Variants in RFX4 observed in about 807,000 individuals in gnomAD.
RFX4 encodes transcription factor RFX4.
A neutral mutation model predicts 95.0 loss-of-function variants in RFX4; 10 were observed. That is an observed-to-expected ratio of 0.11 (90% CI 0.06 to 0.18). The LOEUF is 0.18. Among genes scored for constraint, RFX4 ranks in the 10% least tolerant of loss-of-function variants. The probability of loss-of-function intolerance (pLI) is 1.00; values close to 1 mark genes in which losing one functional copy is unlikely to be tolerated. For missense variants in RFX4, 640 were observed against 922.0 expected, an observed-to-expected ratio of 0.69 and a Z score of 3.96; for synonymous variants, 321 against 340.7, an observed-to-expected ratio of 0.94 and a Z score of 0.64.
chr12:106,596,755 A>G (rs2039625762), intron 1 of RFX4, among the ~76,000 whole-genome samples: 2 of 152,222 alleles, frequency 1.3e-5, no homozygotes, highest in African/African-American at 4.8e-5. Context: ...TTATATGGTT[A>G]TTTGGAGCTT....
intron 4 of RFX4, among the ~76,000 whole-genome samples, chr12:106,672,225 A>G (rs908684319): frequency 1.3e-5 from 2 of 152,150 alleles, no homozygotes; most frequent in Non-Finnish European, 2.9e-5. Context: ...AGTGTGGTGT[A>G]TGGGGAGGAG....
chr12:106,704,555 C>T (rs1565987136), intron 8 of RFX4, among the ~76,000 whole-genome samples: 1 of 152,062 alleles, frequency 6.6e-6, no homozygotes, highest in Non-Finnish European at 1.5e-5. Context: ...CACTCATGAC[C>T]CTGGGCAGGC....
intron 4 of RFX4, among the ~76,000 whole-genome samples, chr12:106,679,809 T>TG (rs775721083): frequency 6.6e-6 from 1 of 152,210 alleles, no homozygotes; most frequent in Non-Finnish European, 1.5e-5. Context: ...GCTGAAAGTC[T>TG]GAAGGGCTTG....
intron 8 of RFX4, 113 bp downstream of exon 8, chr12:106,696,559 C>A: frequency 9.6e-7 from 1 of 1,045,286 alleles, no homozygotes; most frequent in Non-Finnish European, 1.3e-6. Context: ...TTGTAAAGAC[C>A]ATTAATATTG....
chr12:106,606,794 T>C (rs776404460), intron 1 of RFX4, among the ~76,000 whole-genome samples: 2 of 152,110 alleles, frequency 1.3e-5, no homozygotes, highest in African/African-American at 4.8e-5. Context: ...GGACATAAAA[T>C]ACAAAACAAA....
intron 4 of RFX4, among the ~76,000 whole-genome samples, chr12:106,663,441 A>C (rs1278799602): frequency 6.6e-6 from 1 of 151,252 alleles, no homozygotes; most frequent in African/African-American, 2.4e-5. Flanking sequence ...GTTCCAGGAG[A>C]TTTTTTTTTC....
intron 4 of RFX4, among the ~76,000 whole-genome samples, chr12:106,664,040 TG>T (rs1044170204): frequency 2.8e-4 from 42 of 151,838 alleles, no homozygotes; most frequent in African/African-American, 9.7e-4. Flanking sequence ...GCCTTTTATC[TG>T]ATTTTGGTAC....
intron 2 of RFX4, among the ~76,000 whole-genome samples, chr12:106,621,121 A>G (rs1371723019): frequency 1.3e-5 from 2 of 152,230 alleles, no homozygotes; most frequent in East Asian, 3.8e-4. Context: ...CAGTTATCAC[A>G]GTGGTCCTGA....
intron 15 of RFX4, among the ~76,000 whole-genome samples, chr12:106,734,146 T>C (rs928232700): frequency 6.6e-6 from 1 of 152,112 alleles, no homozygotes; most frequent in Non-Finnish European, 1.5e-5. Context: ...GTGAATGGAA[T>C]GGTGAATGTC....
At chr12:106,634,449 C>T (rs559344804) in intron 2 of RFX4, among the ~76,000 whole-genome samples, 8 of 152,314 alleles carry the variant, frequency 5.3e-5, no homozygotes, top group East Asian at 3.9e-4. Flanking sequence ...TGCTTTTGAA[C>T]GCTTACCCTC....
intron 3 of RFX4, chr12:106,645,737 T>C: frequency 2.5e-6 from 1 of 393,278 alleles, no homozygotes; most frequent in Non-Finnish European, 4.9e-6. Context: ...ATGTAACCGA[T>C]AACTGACATT....
intron 2 of RFX4, among the ~76,000 whole-genome samples, chr12:106,614,611 C>G (rs535246347): frequency 1.3e-5 from 2 of 150,406 alleles, no homozygotes; most frequent in African/African-American, 4.9e-5. Flanking sequence ...TGGGTTCACG[C>G]CATTCTCCTG....
intron 1 of RFX4, among the ~76,000 whole-genome samples, chr12:106,590,138 T>C (rs1432536452): frequency 1.3e-5 from 2 of 152,230 alleles, no homozygotes; most frequent in Non-Finnish European, 2.9e-5. Context: ...AGCATGGTGA[T>C]GGGGTTGTTG....
intron 4 of RFX4, among the ~76,000 whole-genome samples, chr12:106,655,094 C>T (rs913308100): frequency 2.0e-5 from 3 of 152,102 alleles, no homozygotes; most frequent in African/African-American, 2.4e-5. Context: ...TGCAGGAATA[C>T]GAAGGGCTGA....
intron 2 of RFX4, among the ~76,000 whole-genome samples, chr12:106,638,912 G>A (rs140330945): frequency 6.6e-6 from 1 of 152,144 alleles, no homozygotes; most frequent in Non-Finnish European, 1.5e-5. Context: ...ATCATCATCT[G>A]GGGGATTAGG....
At chr12:106,660,651 G>A (rs561239212) in intron 4 of RFX4, among the ~76,000 whole-genome samples, 1 of 152,202 alleles carries the variant, frequency 6.6e-6, no homozygotes, top group South Asian at 2.1e-4. Flanking sequence ...CATTTCAGTA[G>A]AGCAGAGGTC....
chr12:106,611,791 A>G (rs1031054131), intron 2 of RFX4, among the ~76,000 whole-genome samples: 3 of 152,114 alleles, frequency 2.0e-5, no homozygotes, highest in Non-Finnish European at 4.4e-5. Flanking sequence ...GATTACAGGC[A>G]TGAGCCACTG....
At chr12:106,676,792 G>A (rs1368665799) in intron 4 of RFX4, among the ~76,000 whole-genome samples, 1 of 152,200 alleles carries the variant, frequency 6.6e-6, no homozygotes, top group Admixed American at 6.5e-5. Context: ...AAGAGTTGAT[G>A]AGAACGAGAA....
chr12:106,735,680 A>G lies in RFX4; in HGVS notation c.1633+2595A>G, dbSNP rs1197801953. On this transcript the variant is annotated intron_variant, in intron 15 of 17. Transcript: ENST00000392842. ...ATCCTATATATGTTTATTCATGTATATATGTACACACATGTATTTTTTTTT... is the reference window on the plus strand; with the variant it reads ...ATCCTATATATGTTTATTCATGTATGTATGTACACACATGTATTTTTTTTT... Among the ~76,000 whole-genome samples, 11 of 145,896 alleles carry G rather than the reference A, an allele frequency of 7.5e-5. 1 individual carries two copies. Among genetic ancestry groups the G allele is most frequent in the Non-Finnish European group, 1.3e-4 (9 of 66,764 alleles).
Sources: allele counts gnomAD v4.1 joint callset (sites outside exome capture counted in the v4.1 genomes callset), GRCh38; gene constraint gnomAD v4.1.1; transcripts MANE v1.5; gene names NCBI Gene and HGNC (gene_info 2026-07-23, HGNC 2026-07-21).